The following RASAL2 variants were observed in gnomAD, a reference collection of about 807,000 sequenced individuals.
The protein encoded by RASAL2 is RAS protein activator like 2.
In RASAL2, 58 loss-of-function variants were observed where a neutral mutation model predicts 128.9. That is an observed-to-expected ratio of 0.45 (90% CI 0.36 to 0.56). The LOEUF (loss-of-function observed/expected upper bound fraction) is 0.56. RASAL2 is among the 20% of genes least tolerant of loss of function. The pLI is 0.00. For missense variants in RASAL2, 1,360 were observed against 1,601.6 expected (o/e 0.85, Z 2.57); for synonymous variants, 561 against 580.8 (o/e 0.97, Z 0.49).
chr1:178,294,426 G>C (rs765181966), intron 2 of RASAL2, among the ~76,000 whole-genome samples: 6 of 152,182 alleles, frequency 3.9e-5, no homozygotes, highest in African/African-American at 7.2e-5. Flanking sequence ...TGATAACTAT[G>C]TAAAGGATAG....
intron 1 of RASAL2, among the ~76,000 whole-genome samples, chr1:178,244,507 C>T (rs937252102): frequency 6.6e-6 from 1 of 152,238 alleles, no homozygotes; most frequent in Non-Finnish European, 1.5e-5. Flanking sequence ...TCCCAAAGTG[C>T]TGGGATTACA....
chr1:178,132,842 T>A (rs1660170659), intron 1 of RASAL2, among the ~76,000 whole-genome samples: 1 of 150,782 alleles, frequency 6.6e-6, no homozygotes, highest in African/African-American at 2.4e-5. Context: ...AATCTTGGCT[T>A]ACTGCAACCT....
Position 178,478,247 on chromosome 1 carries a change from G to A in RASAL2, c.*5008G>A, listed in dbSNP as rs754125112. 1 of 151,906 alleles carries A rather than the reference G, an allele frequency of 6.6e-6. No individual in the cohort carries two copies. Among genetic ancestry groups the A allele is most frequent in the Non-Finnish European group, 1.5e-5 (1 of 67,976 alleles). 9.4% of individuals were successfully genotyped at this position (151,906 alleles called of 1,614,324 possible). A position where few individuals can be genotyped will look rare whatever the true frequency, so the allele number is the denominator to read the frequency against. On this transcript the variant is annotated 3_prime_UTR_variant, in exon 18 of 18. Coordinates refer to ENST00000367649, the MANE Select transcript of RASAL2 (RefSeq NM_170692.4). ...TGTTTTAGGGACCTCCATCATCTTTGTGGGGGTACAGATATTTATGTGTAA... is the reference window on the plus strand; with the variant it reads ...TGTTTTAGGGACCTCCATCATCTTTATGGGGGTACAGATATTTATGTGTAA...
intron 4 of RASAL2, among the ~76,000 whole-genome samples, chr1:178,408,228 A>G (rs2102688286): frequency 6.6e-6 from 1 of 152,312 alleles, no homozygotes; most frequent in East Asian, 1.9e-4. Context: ...TTTGATTAGT[A>G]TGCTTTCAGA....
chr1:178,278,164 A>C (rs1319208408), intron 1 of RASAL2, among the ~76,000 whole-genome samples: 1 of 152,168 alleles, frequency 6.6e-6, no homozygotes, highest in South Asian at 2.1e-4. Flanking sequence ...TGGGCGTCTC[A>C]TTTACATAAG....
chr1:178,266,211 AC>A (rs746907682), intron 1 of RASAL2, among the ~76,000 whole-genome samples: 4 of 152,034 alleles, frequency 2.6e-5, no homozygotes, highest in African/African-American at 4.8e-5. Context: ...TTATACTCTC[AC>A]CCTCAGATCC....
At chr1:178,163,340 C>T (rs751059684) in intron 1 of RASAL2, among the ~76,000 whole-genome samples, 1 of 151,944 alleles carries the variant, frequency 6.6e-6, no homozygotes, top group African/African-American at 2.4e-5. Flanking sequence ...TTTTTTCTTA[C>T]CTGTGCTTTT....
At chr1:178,446,978 T>G (rs1462957828) in intron 9 of RASAL2, among the ~76,000 whole-genome samples, 1 of 152,122 alleles carries the variant, frequency 6.6e-6, no homozygotes, top group African/African-American at 2.4e-5. Context: ...ATAAAACTAT[T>G]TAGCTGGAAA....
At chr1:178,440,763 G>C (rs1485235522) in intron 6 of RASAL2, among the ~76,000 whole-genome samples, 1 of 152,122 alleles carries the variant, frequency 6.6e-6, no homozygotes, top group African/African-American at 2.4e-5. Flanking sequence ...ATAGTGGTCA[G>C]GCTAACCTAA....
intron 15 of RASAL2, 60 bp from the exon 16 acceptor site, chr1:178,465,860 T>C: frequency 7.8e-7 from 1 of 1,280,260 alleles, no homozygotes. Context: ...GAAAAGTAAA[T>C]CACTGATTTC....
chr1:178,311,136 C>G (rs1668224773), intron 3 of RASAL2, among the ~76,000 whole-genome samples: 1 of 151,946 alleles, frequency 6.6e-6, no homozygotes, highest in Non-Finnish European at 1.5e-5. Flanking sequence ...ACACAAGCAT[C>G]TAATTATACT....
At chr1:178,302,231 G>A (rs992568579) in intron 3 of RASAL2, among the ~76,000 whole-genome samples, 10 of 152,180 alleles carry the variant, frequency 6.6e-5, no homozygotes, top group South Asian at 2.1e-4. Context: ...TATGCCAGTC[G>A]CTAAGAGTGA....
chr1:178,145,779 A>G (rs1240844486), intron 1 of RASAL2, among the ~76,000 whole-genome samples: 1 of 152,182 alleles, frequency 6.6e-6, no homozygotes, highest in Non-Finnish European at 1.5e-5. Context: ...CTGCCATTGC[A>G]TCAGTATCCT....
intron 1 of RASAL2, among the ~76,000 whole-genome samples, chr1:178,208,545 T>G (rs763935294): frequency 1.3e-5 from 2 of 152,208 alleles, no homozygotes; most frequent in Non-Finnish European, 2.9e-5. Flanking sequence ...CTCCGTTGTT[T>G]AAGATGTTTA....
intron 1 of RASAL2, among the ~76,000 whole-genome samples, chr1:178,141,877 G>A (rs570524649): frequency 6.6e-6 from 1 of 152,228 alleles, no homozygotes; most frequent in East Asian, 1.9e-4. Context: ...GCATATGGGT[G>A]TAGGTGGTGA....
chr1:178,235,612 G>T (rs572178957), intron 1 of RASAL2, among the ~76,000 whole-genome samples: 1 of 152,174 alleles, frequency 6.6e-6, no homozygotes, highest in South Asian at 2.1e-4. Flanking sequence ...GTGTGTGTGT[G>T]TGTGTCTGTG....
At chr1:178,401,408 G>GAGT (rs1221171605) in intron 4 of RASAL2, among the ~76,000 whole-genome samples, 1 of 152,174 alleles carries the variant, frequency 6.6e-6, no homozygotes, top group Non-Finnish European at 1.5e-5. Context: ...AACTCATGGG[G>GAGT]AGTATCTTAG....
chr1:178,320,972 C>G (rs1456766645), intron 3 of RASAL2, among the ~76,000 whole-genome samples: 1 of 152,216 alleles, frequency 6.6e-6, no homozygotes, highest in African/African-American at 2.4e-5. Flanking sequence ...TCTAAGTTTT[C>G]AGTATATCAG....
At chr1:178,150,949 T>C (rs1770338) in intron 1 of RASAL2, among the ~76,000 whole-genome samples, 145,222 of 152,150 alleles carry the variant, frequency 0.95, 69,661 homozygotes, top group East Asian at 1. Context: ...GGTGATATGG[T>C]TGTTTAAATG....
Sources: allele counts gnomAD v4.1 joint callset (sites outside exome capture counted in the v4.1 genomes callset), GRCh38; gene constraint gnomAD v4.1.1; transcripts MANE v1.5; gene names NCBI Gene and HGNC (gene_info 2026-07-23, HGNC 2026-07-21).